The following SPAG16 variants were observed in gnomAD, a reference collection of about 807,000 sequenced individuals.
The protein encoded by SPAG16 is sperm associated antigen 16.
A neutral mutation model predicts 80.4 loss-of-function variants in SPAG16; 86 were observed. The observed-to-expected ratio is 1.07, with a 90% CI of 0.90 to 1.28. The LOEUF is 1.28. Ranked by LOEUF, SPAG16 falls within the 50% of genes most tolerant of loss-of-function variation. The pLI is 0.00. For synonymous variants in SPAG16, 294 were observed against 265.9 expected, an observed-to-expected ratio of 1.11 and a Z score of -1.03; for missense variants, 870 against 765.3, an observed-to-expected ratio of 1.14 and a Z score of -1.61.
intron 15 of SPAG16, among the ~76,000 whole-genome samples, chr2:214,310,163 T>TTG (rs1418945831): frequency 1.6e-5 from 2 of 128,270 alleles, no homozygotes; most frequent in African/African-American, 5.9e-5. Flanking sequence ...TTTTCTTTCT[T>TTG]TCTTTTTTTT....
intron 10 of SPAG16, among the ~76,000 whole-genome samples, chr2:213,645,912 G>C (rs1574631798): frequency 1.3e-5 from 2 of 152,242 alleles, no homozygotes; most frequent in African/African-American, 4.8e-5. Flanking sequence ...GAGGTTTGAA[G>C]GCACTCAAGT....
intron 15 of SPAG16, among the ~76,000 whole-genome samples, chr2:214,190,539 A>G (rs190680633): frequency 1.1e-4 from 16 of 152,284 alleles, no homozygotes; most frequent in African/African-American, 3.6e-4. Context: ...TTAAATGACT[A>G]CAAAGGCTAT....
rs370086187 is a variant in SPAG16, at chr2:213,840,140, A to C, written c.1071-22345A>C. On this transcript the variant is annotated intron_variant, in intron 10 of 15. Coordinates refer to ENST00000331683, the MANE Select transcript of SPAG16 (RefSeq NM_024532.5). ...GATAATCTTTTCATACTTGGAAATT[A>C]GGAATGCATGTTAAAATGTTGATAG... is the stretch of plus-strand genomic sequence containing the variant. Among the ~76,000 whole-genome samples the C allele has an allele frequency of 7.9e-5, 12 of 152,306 alleles. No individual in the cohort carries two copies. The East Asian group carries it at 2.3e-3, about 29-fold the overall frequency.
At chr2:213,814,597 C>G (rs1416721317) in intron 10 of SPAG16, among the ~76,000 whole-genome samples, 1 of 152,108 alleles carries the variant, frequency 6.6e-6, no homozygotes, top group Non-Finnish European at 1.5e-5. Flanking sequence ...TGAGAACAGC[C>G]TGGCCAACAT....
rs200541515 is a variant in SPAG16, at chr2:213,574,688, TATATATG to T, written c.1070+84619_1070+84625del. Reference sequence around the variant, plus strand: ...TATGATATATATATGATATATGATATATATATGATATATGATATATGATATATATATA... The same window carrying T: ...TATGATATATATATGATATATGATATATATATGATATATGATATATATATA... On this transcript the variant is annotated intron_variant, in intron 10 of 15. Coordinates refer to ENST00000331683, the MANE Select transcript of SPAG16 (RefSeq NM_024532.5). 3.5e-4 allele frequency among the ~76,000 whole-genome samples: 52 copies of T among 148,278 alleles called. 1 individual carries two copies. Among genetic ancestry groups the T allele is most frequent in the East Asian group, 1.2e-3 (6 of 5,128 alleles).
intron 11 of SPAG16, among the ~76,000 whole-genome samples, chr2:213,919,407 T>C (rs2078109586): frequency 6.6e-6 from 1 of 152,194 alleles, no homozygotes; most frequent in African/African-American, 2.4e-5. Flanking sequence ...TTCTAACTTT[T>C]TGATGTGGGC....
intron 9 of SPAG16, among the ~76,000 whole-genome samples, chr2:213,485,990 A>C (rs2073954113): frequency 6.6e-6 from 1 of 152,142 alleles, no homozygotes; most frequent in Admixed American, 6.5e-5. Context: ...TTCAGGGTAC[A>C]TGTGAAAACT....
chr2:213,417,253 T>C (rs1394622021), intron 9 of SPAG16, among the ~76,000 whole-genome samples: 15 of 152,144 alleles, frequency 9.9e-5, no homozygotes, highest in Admixed American at 5.9e-4. Flanking sequence ...GGTATAGCCA[T>C]AACCTATTTG....
At chr2:213,722,010 A>G (rs1413023275) in intron 10 of SPAG16, among the ~76,000 whole-genome samples, 16 of 152,258 alleles carry the variant, frequency 1.1e-4, no homozygotes, top group Admixed American at 1.0e-3. Context: ...CTTTCTAAAC[A>G]TAATTGACAT....
At chr2:214,153,168 C>T (rs1047557614) in intron 15 of SPAG16, among the ~76,000 whole-genome samples, 8 of 152,008 alleles carry the variant, frequency 5.3e-5, no homozygotes, top group African/African-American at 9.7e-5. Flanking sequence ...CGCTAGACCA[C>T]GGTCCGCCTG....
intron 15 of SPAG16, among the ~76,000 whole-genome samples, chr2:214,154,519 A>G (rs1047672101): frequency 6.5e-5 from 8 of 122,930 alleles, no homozygotes; most frequent in Non-Finnish European, 1.3e-4. Flanking sequence ...CCATTTTTTC[A>G]TAACCTAACA....
At chr2:214,160,277 G>T (rs1444751724) in intron 15 of SPAG16, among the ~76,000 whole-genome samples, 1 of 151,796 alleles carries the variant, frequency 6.6e-6, no homozygotes, top group Admixed American at 6.6e-5. Flanking sequence ...TGTAAGTTTT[G>T]ATTATTACTG....
chr2:214,080,964 G>A (rs1023203485), intron 13 of SPAG16, among the ~76,000 whole-genome samples: 1 of 152,032 alleles, frequency 6.6e-6, no homozygotes, highest in African/African-American at 2.4e-5. Context: ...CTCAGGTGAT[G>A]TTGATATGCC....
intron 15 of SPAG16, among the ~76,000 whole-genome samples, chr2:214,250,733 GATATATATATATAT>G (rs59644776): frequency 8.9e-6 from 1 of 112,358 alleles, no homozygotes; most frequent in African/African-American, 3.4e-5. Flanking sequence ...GGAGCTTTGA[GATATATATATATAT>G]ATATATATAT....
intron 15 of SPAG16, among the ~76,000 whole-genome samples, chr2:214,312,664 A>G (rs763939529): frequency 9.2e-5 from 14 of 152,070 alleles, no homozygotes; most frequent in Non-Finnish European, 1.9e-4. Context: ...TCACACTAAT[A>G]ATCTTTTATC....
chr2:213,353,329 C>T (rs1481600783), intron 7 of SPAG16, among the ~76,000 whole-genome samples: 1 of 152,116 alleles, frequency 6.6e-6, no homozygotes, highest in Non-Finnish European at 1.5e-5. Flanking sequence ...TCCATGTACC[C>T]CACTGAGGTG....
At chr2:214,324,877 T>C (rs925338580) in intron 15 of SPAG16, among the ~76,000 whole-genome samples, 3 of 152,216 alleles carry the variant, frequency 2.0e-5, no homozygotes, top group African/African-American at 7.2e-5. Context: ...TAAACAAACA[T>C]ACACACAGGC....
intron 10 of SPAG16, among the ~76,000 whole-genome samples, chr2:213,638,238 T>G (rs1234556771): frequency 6.6e-6 from 1 of 152,144 alleles, no homozygotes; most frequent in Non-Finnish European, 1.5e-5. Context: ...TGTTTCAATT[T>G]CTTTTAGTTC....
At chr2:213,772,208 T>A (rs745632309) in intron 10 of SPAG16, among the ~76,000 whole-genome samples, 11 of 152,140 alleles carry the variant, frequency 7.2e-5, no homozygotes, top group Non-Finnish European at 1.5e-4. Context: ...GTAGCAATTG[T>A]GAATGGGAGT....
Sources: gnomAD v4.1 joint callset for allele counts (sites outside exome capture counted in the v4.1 genomes callset) on GRCh38, gnomAD v4.1.1 for gene constraint, MANE v1.5 for transcripts, NCBI Gene and HGNC (gene_info 2026-07-23, HGNC 2026-07-21) for gene names.